The following SLC24A2 variants were observed in gnomAD, a reference collection of about 807,000 sequenced individuals.
The protein encoded by SLC24A2 is solute carrier family 24 member 2.
SLC24A2 carries 36 observed loss-of-function variants against 62.0 expected under a neutral mutation model. The observed-to-expected ratio is 0.58, with a 90% CI of 0.44 to 0.77. SLC24A2 has a LOEUF of 0.77. Among genes scored for constraint, SLC24A2 ranks in the 30% least tolerant of loss-of-function variants. The probability of loss-of-function intolerance (pLI) is 0.00; values close to 1 mark genes in which losing one functional copy is unlikely to be tolerated. For synonymous variants in SLC24A2, 358 were observed against 294.0 expected, an observed-to-expected ratio of 1.22 and a Z score of -2.23; for missense variants, 846 against 817.9, an observed-to-expected ratio of 1.03 and a Z score of -0.42.
the SLC24A2 span, among the ~76,000 whole-genome samples, chr9:19,959,761 G>T: frequency 1.3e-5 from 2 of 152,090 alleles, no homozygotes; most frequent in Non-Finnish European, 2.9e-5. Flanking sequence ...CTTAACAATT[G>T]CTGGTACTCA....
At chr9:19,658,840 C>T (rs972237650) in intron 2 of SLC24A2, among the ~76,000 whole-genome samples, 12 of 152,188 alleles carry the variant, frequency 7.9e-5, no homozygotes, top group Admixed American at 7.9e-4. Context: ...GTTTCTCTCC[C>T]CAAGGCCACT....
chr9:19,561,169 A>AT (rs1835380497), intron 7 of SLC24A2, among the ~76,000 whole-genome samples: 1 of 151,912 alleles, frequency 6.6e-6, no homozygotes, highest in Non-Finnish European at 1.5e-5. Flanking sequence ...ACCTCAAGTG[A>AT]TCCACCCACC....
chr9:19,545,634 T>C (rs1166816883), intron 8 of SLC24A2, among the ~76,000 whole-genome samples: 2 of 151,884 alleles, frequency 1.3e-5, no homozygotes, highest in African/African-American at 4.8e-5. Context: ...TCCTATTTTT[T>C]AGTTTTTTTT....
chr9:20,185,983 T>C, the SLC24A2 span, among the ~76,000 whole-genome samples: 1 of 152,152 alleles, frequency 6.6e-6, no homozygotes, highest in Non-Finnish European at 1.5e-5. Context: ...AGAAAACTGG[T>C]TCCTGGCCTC....
chr9:20,190,946 G>T, the SLC24A2 span, among the ~76,000 whole-genome samples: 1 of 152,294 alleles, frequency 6.6e-6, no homozygotes, highest in South Asian at 2.1e-4. Context: ...AGTGTTAACT[G>T]TACACAATTA....
At chr9:20,205,271 G>T in the SLC24A2 span, among the ~76,000 whole-genome samples, 275 of 152,172 alleles carry the variant, frequency 1.8e-3, 4 homozygotes, top group Non-Finnish European at 4.0e-4. Flanking sequence ...TTGAAGAAAA[G>T]TATCTGCATG....
chr9:19,694,928 G>A (rs1004636231), intron 2 of SLC24A2, among the ~76,000 whole-genome samples: 2 of 151,984 alleles, frequency 1.3e-5, no homozygotes, highest in African/African-American at 4.8e-5. Context: ...TGATTTCCCT[G>A]TTTTTTTCTT....
At chr9:19,965,771 T>C in the SLC24A2 span, among the ~76,000 whole-genome samples, 18 of 152,284 alleles carry the variant, frequency 1.2e-4, 1 homozygote, top group South Asian at 2.3e-3. Flanking sequence ...TACTGTCACA[T>C]TGTGACCTGG....
chr9:20,106,063 C>T, the SLC24A2 span, among the ~76,000 whole-genome samples: 2 of 152,128 alleles, frequency 1.3e-5, no homozygotes, highest in East Asian at 1.9e-4. Flanking sequence ...GAGAATACTA[C>T]AAACACCTCT....
upstream of SLC24A2, among the ~76,000 whole-genome samples, chr9:19,793,021 C>G (rs1464434274): frequency 6.6e-6 from 1 of 152,154 alleles, no homozygotes; most frequent in Non-Finnish European, 1.5e-5. Flanking sequence ...ACTGTGAGCC[C>G]CGTGAGAACA....
intron 2 of SLC24A2, among the ~76,000 whole-genome samples, chr9:19,727,059 C>T (rs1821192473): frequency 6.6e-6 from 1 of 152,054 alleles, no homozygotes; most frequent in African/African-American, 2.4e-5. Flanking sequence ...GCTGAAACTT[C>T]GTCATGATTA....
chr9:20,267,116 G>T, the SLC24A2 span, among the ~76,000 whole-genome samples: 1 of 149,954 alleles, frequency 6.7e-6, no homozygotes, highest in African/African-American at 2.5e-5. Context: ...TCATAAAACA[G>T]AATACTTTTG....
the SLC24A2 span, among the ~76,000 whole-genome samples, chr9:19,840,854 T>C: frequency 6.6e-6 from 1 of 152,208 alleles, no homozygotes; most frequent in South Asian, 2.1e-4. Flanking sequence ...TCATACAGCA[T>C]TTACCTTTAA....
At position 19,597,265 on chromosome 9, in the gene SLC24A2, C is replaced by T; in HGVS notation, c.1093G>A (p.Gly365Arg). Residue 365 changes from glycine (G) to arginine (R), a missense_variant, in exon 5 of 11, where the codon GGA (glycine) becomes AGA (arginine). By Grantham distance (125) the Gly-to-Arg change is moderately radical. Transcript: ENST00000341998. Reference protein sequence around the residue: ...DPLAEELGSYGKLKYYDTMTE... With the variant: ...DPLAEELGSYRKLKYYDTMTE... ...ATTGTGTCATAATATTTTAGTTTTC[C>T]ATATGATCCAAGTTCTACAACATCA... 6.3e-7 allele frequency: 1 copy of T among 1,582,158 alleles called. No homozygotes were observed. The highest frequency in any genetic ancestry group is 8.7e-7 in the Non-Finnish European group (1 of 1,151,136).
At chr9:19,836,009 A>G in the SLC24A2 span, among the ~76,000 whole-genome samples, 4 of 152,222 alleles carry the variant, frequency 2.6e-5, no homozygotes, top group Admixed American at 2.6e-4. Flanking sequence ...GCAGAAATAA[A>G]GAAGTTCTTT....
At chr9:20,118,962 G>GT in the SLC24A2 span, among the ~76,000 whole-genome samples, 2 of 152,202 alleles carry the variant, frequency 1.3e-5, no homozygotes, top group South Asian at 4.1e-4. Context: ...GTCTTGCTAG[G>GT]AGACTCACTC....
the SLC24A2 span, among the ~76,000 whole-genome samples, chr9:19,999,650 G>T: frequency 1.3e-5 from 2 of 152,106 alleles, no homozygotes; most frequent in Admixed American, 6.6e-5. Context: ...TGTGTGACAG[G>T]GTAATTACTC....
chr9:20,204,949 G>A, the SLC24A2 span, among the ~76,000 whole-genome samples: 1 of 151,892 alleles, frequency 6.6e-6, no homozygotes, highest in African/African-American at 2.4e-5. Context: ...GTTTCACCAT[G>A]TTAGCCAGAA....
At position 19,778,710 on chromosome 9, in the gene SLC24A2, T is replaced by C. The variant is rs150170244; in HGVS notation, c.930+7227A>G. On this transcript the variant is annotated intron_variant, in intron 2 of 10. Coordinates refer to ENST00000341998, the MANE Select transcript of SLC24A2 (RefSeq NM_020344.4). Reference sequence around the variant, plus strand: ...GACCTTTGACAGGAGAGCAATCCTCTCTGGAGGAATGTACTTAAAACCCAG... The same window carrying C: ...GACCTTTGACAGGAGAGCAATCCTCCCTGGAGGAATGTACTTAAAACCCAG... 4.6e-5 allele frequency among the ~76,000 whole-genome samples: 7 copies of C among 152,270 alleles called. No individual in the cohort carries two copies. The East Asian group carries it at 1.3e-3, about 29-fold the overall frequency.
Sources: allele counts gnomAD v4.1 joint callset (sites outside exome capture counted in the v4.1 genomes callset), GRCh38; gene constraint gnomAD v4.1.1; transcripts MANE v1.5; gene names NCBI Gene and HGNC (gene_info 2026-07-23, HGNC 2026-07-21).